Variants in FDFT1 observed in about 807,000 individuals in gnomAD.
The protein encoded by FDFT1 is squalene synthase.
FDFT1 carries 68 observed loss-of-function variants against 46.8 expected under a neutral mutation model. The observed-to-expected ratio is 1.45, with a 90% CI of 1.19 to 1.78. The LOEUF (loss-of-function observed/expected upper bound fraction) is 1.78, where lower values mean the gene tolerates loss of function less well. Among genes scored for constraint, FDFT1 ranks in the 40% most tolerant of loss-of-function variants. FDFT1 has a pLI of 0.00. For synonymous variants in FDFT1, 351 were observed against 185.1 expected (o/e 1.90, Z -7.28); for missense variants, 928 against 524.4 (o/e 1.77, Z -7.52).
chr8:11,803,426 C>G (rs537154707), intron 1 of FDFT1: 3 of 1,287,676 alleles, frequency 2.3e-6, no homozygotes, highest in Non-Finnish European at 2.0e-6. Flanking sequence ...GCTTCATCCT[C>G]GGTGCTTCCT....
chr8:11,816,220 G>A (rs1808426280), intron 3 of FDFT1, among the ~76,000 whole-genome samples: 1 of 152,170 alleles, frequency 6.6e-6, no homozygotes, highest in African/African-American at 2.4e-5. Context: ...CCGTTCCATT[G>A]GTGTACATAT....
intron 3 of FDFT1, among the ~76,000 whole-genome samples, chr8:11,816,518 T>G (rs1193275280): frequency 3.3e-5 from 5 of 152,206 alleles, no homozygotes; most frequent in Non-Finnish European, 5.9e-5. Context: ...TGTTCTTCCA[T>G]TTGTTTATGG....
At chr8:11,802,359 A>G (rs1025477554), upstream of FDFT1, 3 of 443,820 alleles carry the variant, frequency 6.8e-6, no homozygotes, top group African/African-American at 2.0e-5. Context: ...GCAGCCCCGC[A>G]CTGCTCTCCC....
At chr8:11,799,362 C>G (rs918476618), upstream of FDFT1, among the ~76,000 whole-genome samples, 1 of 152,222 alleles carries the variant, frequency 6.6e-6, no homozygotes, top group African/African-American at 2.4e-5. Context: ...TTGCTTATCT[C>G]AAGGCCAGCG....
Position 11,838,720 on chromosome 8 carries a change from G to C in FDFT1, c.*111G>C, listed in dbSNP as rs1276534531. 15 of 865,678 alleles carry C rather than the reference G, an allele frequency of 1.7e-5. No homozygotes were observed. The highest frequency in any genetic ancestry group is 2.8e-5 in the Non-Finnish European group (15 of 529,872). 53.6% of individuals were successfully genotyped at this position (865,678 alleles called of 1,614,324 possible). On this transcript the variant is annotated 3_prime_UTR_variant, in exon 8 of 8. Transcript: ENST00000220584. ...TTTCCTACTACTTTAATCCCTAAAA[G>C]AACGCTGTGTGGCTGGGACCTTTAG...
intron 3 of FDFT1, among the ~76,000 whole-genome samples, chr8:11,818,137 G>C (rs1808719068): frequency 6.6e-6 from 1 of 152,212 alleles, no homozygotes; most frequent in South Asian, 2.1e-4. Context: ...TCATTCAGGA[G>C]CAGGTTGTTC....
At chr8:11,803,591 GT>G in intron 1 of FDFT1, 1 of 699,280 alleles carries the variant, frequency 1.4e-6, no homozygotes, top group Non-Finnish European at 1.9e-6. Context: ...TGCATAGGAG[GT>G]GTTTTTATTC....
At chr8:11,802,956 C>G (rs376430693) in intron 1 of FDFT1, 25 bp downstream of exon 1, 115 of 1,574,136 alleles carry the variant, frequency 7.3e-5, no homozygotes, top group Non-Finnish European at 9.6e-5. Context: ...CCTGCTTGCC[C>G]GGGGCGGGGA....
chr8:11,803,104 G>C, intron 1 of FDFT1, 173 bp downstream of exon 1: 1 of 1,435,536 alleles, frequency 7.0e-7, no homozygotes, highest in Non-Finnish European at 9.1e-7. Context: ...CCGGGTGGAC[G>C]CGGCCGTCCT....
At chr8:11,805,487 A>T (rs1250475419) in intron 1 of FDFT1, among the ~76,000 whole-genome samples, 1 of 152,200 alleles carries the variant, frequency 6.6e-6, no homozygotes, top group Non-Finnish European at 1.5e-5. Flanking sequence ...ATTTAGACTA[A>T]TATCTTAAGT....
intron 1 of FDFT1, 61 bp from the exon 2 acceptor site, chr8:11,808,733 C>G (rs1202468636): frequency 2.5e-6 from 4 of 1,580,754 alleles, no homozygotes; most frequent in Non-Finnish European, 3.4e-6. Flanking sequence ...CCCACTCCCA[C>G]TCCCACTCCC....
chr8:11,829,422 G>C (rs1810466682), intron 5 of FDFT1, among the ~76,000 whole-genome samples: 1 of 152,162 alleles, frequency 6.6e-6, no homozygotes, highest in Non-Finnish European at 1.5e-5. Flanking sequence ...AGGATCCAGG[G>C]AGGTGTAATA....
chr8:11,834,157 C>T (rs1811229786), intron 7 of FDFT1, among the ~76,000 whole-genome samples: 1 of 152,192 alleles, frequency 6.6e-6, no homozygotes, highest in Non-Finnish European at 1.5e-5. Context: ...TTGTAGCGAG[C>T]ATGCACCTGG....
At chr8:11,801,295 T>C (rs539726713), upstream of FDFT1, among the ~76,000 whole-genome samples, 3 of 152,312 alleles carry the variant, frequency 2.0e-5, no homozygotes, top group South Asian at 6.2e-4. Flanking sequence ...ACTGAACAGC[T>C]TTGGGCAGTG....
At chr8:11,837,520 C>G (rs973239907) in intron 7 of FDFT1, among the ~76,000 whole-genome samples, 1 of 152,218 alleles carries the variant, frequency 6.6e-6, no homozygotes, top group African/African-American at 2.4e-5. Flanking sequence ...ACATGAGCCA[C>G]TGTGCCTGGC....
At chr8:11,810,780 T>C (rs1255015695) in intron 3 of FDFT1, among the ~76,000 whole-genome samples, 1 of 152,110 alleles carries the variant, frequency 6.6e-6, no homozygotes, top group African/African-American at 2.4e-5. Context: ...AGAAGCCCTT[T>C]TTGTCCACAG....
chr8:11,822,121 A>G (rs1393064246), intron 4 of FDFT1, among the ~76,000 whole-genome samples: 2 of 152,228 alleles, frequency 1.3e-5, no homozygotes, highest in Non-Finnish European at 2.9e-5. Flanking sequence ...TATCTAGACA[A>G]AGGGATGTAA....
At chr8:11,808,728 TC>T in intron 1 of FDFT1, 65 bp from the exon 2 acceptor site, 5 of 1,570,912 alleles carry the variant, frequency 3.2e-6, no homozygotes, top group South Asian at 2.3e-5. Context: ...CCACTCCCAC[TC>T]CCACTCCCAC....
At chr8:11,820,740 G>A (rs1322466352) in intron 3 of FDFT1, among the ~76,000 whole-genome samples, 1 of 152,152 alleles carries the variant, frequency 6.6e-6, no homozygotes, top group African/African-American at 2.4e-5. Flanking sequence ...CAGTATTTGG[G>A]CAGAGTATAC....
Sources: allele counts gnomAD v4.1 joint callset (sites outside exome capture counted in the v4.1 genomes callset), GRCh38; gene constraint gnomAD v4.1.1; transcripts MANE v1.5; gene names NCBI Gene and HGNC (gene_info 2026-07-23, HGNC 2026-07-21).